SMC6: variants seen among roughly 807,000 people sequenced by gnomAD.
SMC6 encodes structural maintenance of chromosomes protein 6.
SMC6 carries 79 observed loss-of-function variants against 142.2 expected under a neutral mutation model. That is an observed-to-expected ratio of 0.56 (90% CI 0.46 to 0.67). The LOEUF is 0.67. SMC6 is among the 30% of genes least tolerant of loss of function. SMC6 has a pLI of 0.00. For missense variants in SMC6, 1,072 were observed against 1,284.0 expected (o/e 0.83, Z 2.52); for synonymous variants, 411 against 412.4 (o/e 1.00, Z 0.04).
In SMC6 at chr2:17,685,494, T is replaced by A. The variant is rs1357042568; in HGVS notation, c.2679-1731A>T. 2.6e-5 allele frequency among the ~76,000 whole-genome samples: 4 copies of A among 152,066 alleles called. No individual in the cohort carries two copies. In the East Asian group the frequency reaches 7.7e-4, roughly 29 times the overall value. On this transcript the variant is annotated intron_variant, in intron 23 of 27. Coordinates refer to ENST00000448223, the MANE Select transcript of SMC6 (RefSeq NM_001142286.2). ...ATCAACTTGTAAAACATAGAAAATA[T>A]TCATACACACCATTCTCAAGCAAAA...
chr2:17,687,017 C>T (rs1460391203), intron 23 of SMC6, among the ~76,000 whole-genome samples: 1 of 152,134 alleles, frequency 6.6e-6, no homozygotes, highest in African/African-American at 2.4e-5. Context: ...GATATCTCAT[C>T]TATATGCCAA....
chr2:17,671,383 AC>A (rs5829602), intron 25 of SMC6, among the ~76,000 whole-genome samples: 151,285 of 151,286 alleles, frequency 1, 75,642 homozygotes, highest in Non-Finnish European at 1. Flanking sequence ...CTTTAAAGGA[AC>A]CCTAGAAGTT....
At chr2:17,747,601 G>A (rs954206928) in intron 2 of SMC6, among the ~76,000 whole-genome samples, 1 of 150,814 alleles carries the variant, frequency 6.6e-6, no homozygotes, top group Non-Finnish European at 1.5e-5. Context: ...CACCTCCTGG[G>A]TTCAAGCGAT....
rs1341916594 is a variant in SMC6 at position 17,726,452 on chromosome 2, A to C, written c.561T>G (p.Ser187=). 1.2e-6 allele frequency: 2 copies of C among 1,611,612 alleles called. No homozygotes were observed. The highest frequency in any genetic ancestry group is 4.5e-5 in the East Asian group (2 of 44,724). The change falls in exon 8 of 28, where the codon TCT becomes TCG. Residue 187 remains serine (S), a synonymous_variant. Transcript: ENST00000448223. Reference sequence around the variant, plus strand: ...GCTTGCTCATTTCTTGTGTTAAAACAGAAACTGGATTATCCACCTCAAACA... The same window carrying C: ...GCTTGCTCATTTCTTGTGTTAAAACCGAAACTGGATTATCCACCTCAAACA... ...HFNIQVDNPV[S]VLTQEMSKQF...
chr2:17,727,959 C>A (rs13421199), intron 7 of SMC6, among the ~76,000 whole-genome samples: 6,194 of 152,234 alleles, frequency 0.041, 373 homozygotes, highest in African/African-American at 0.13. Context: ...AAAGCCCCCC[C>A]AGCTCTTCAT....
chr2:17,748,345 G>A (rs1654025732), intron 2 of SMC6, among the ~76,000 whole-genome samples: 1 of 152,110 alleles, frequency 6.6e-6, no homozygotes, highest in South Asian at 2.1e-4. Context: ...GAAAATAACT[G>A]GGACTTTATC....
At chr2:17,715,762 T>A (rs1174450436) in intron 15 of SMC6, among the ~76,000 whole-genome samples, 1 of 152,148 alleles carries the variant, frequency 6.6e-6, no homozygotes, top group Non-Finnish European at 1.5e-5. Context: ...AAAATTCAGT[T>A]AACTGCTCCT....
At chr2:17,675,693 C>T (rs1027986386) in intron 25 of SMC6, among the ~76,000 whole-genome samples, 1 of 152,098 alleles carries the variant, frequency 6.6e-6, no homozygotes, top group Non-Finnish European at 1.5e-5. Context: ...TTTACCTTCA[C>T]AATTTCTGTT....
intron 4 of SMC6, among the ~76,000 whole-genome samples, chr2:17,739,879 A>AACACACACACACACACACACAC (rs60784309): frequency 6.1e-5 from 7 of 115,456 alleles, no homozygotes; most frequent in East Asian, 6.9e-4. Context: ...GAATATGGTA[A>AACACACACACACACACACACAC]ACACACACAC....
chr2:17,671,375 T>C (rs1051109661), intron 25 of SMC6, among the ~76,000 whole-genome samples: 49 of 212 alleles, frequency 0.23, no homozygotes, highest in African/African-American at 0.4. Flanking sequence ...TAGGAATCCT[T>C]TAAAGGAACC....
chr2:17,726,505 C>A (rs746782253), intron 7 of SMC6, 36 bp from the exon 8 acceptor site: 1 of 1,551,298 alleles, frequency 6.4e-7, no homozygotes, highest in Non-Finnish European at 8.8e-7. Context: ...GAATATTTTA[C>A]TTTAATGCTT....
intron 5 of SMC6, among the ~76,000 whole-genome samples, chr2:17,734,398 G>T (rs911277840): frequency 6.6e-6 from 1 of 152,066 alleles, no homozygotes; most frequent in African/African-American, 2.4e-5. Flanking sequence ...TCAATTAATG[G>T]GATTTTTTAA....
chr2:17,723,023 G>GAAAA (rs1669449931), intron 9 of SMC6, among the ~76,000 whole-genome samples: 1 of 148,828 alleles, frequency 6.7e-6, no homozygotes, highest in African/African-American at 2.5e-5. Context: ...AGAAAAGAAA[G>GAAAA]GAAAAAAAAA....
At chr2:17,724,318 T>C (rs1028046151) in intron 9 of SMC6, among the ~76,000 whole-genome samples, 4 of 152,202 alleles carry the variant, frequency 2.6e-5, no homozygotes, top group Non-Finnish European at 5.9e-5. Flanking sequence ...TCCTTGATTT[T>C]TGAGTTTTCA....
chr2:17,717,886 G>A (rs143863255), intron 12 of SMC6, among the ~76,000 whole-genome samples, 191 bp downstream of exon 12: 9 of 151,324 alleles, frequency 5.9e-5, no homozygotes, highest in Admixed American at 2.0e-4. Flanking sequence ...TCAGGTGGCC[G>A]AGGTGGGAGG....
At chr2:17,669,385 C>T (rs866020658) in intron 26 of SMC6, among the ~76,000 whole-genome samples, 9 of 152,130 alleles carry the variant, frequency 5.9e-5, no homozygotes, top group African/African-American at 1.9e-4. Flanking sequence ...AGGTATCTGT[C>T]CATACGCAGG....
intron 7 of SMC6, among the ~76,000 whole-genome samples, chr2:17,727,526 T>C (rs116058231): frequency 0.017 from 1,737 of 102,912 alleles, 26 homozygotes; most frequent in African/African-American, 0.044. Flanking sequence ...TATATATATA[T>C]ACACACACAC....
rs1666454887 is a variant in SMC6, at chr2:17,665,515, T to C, written c.3260A>G (p.Asp1087Gly). ...AGTTACAAATCACCTTTGGTCATCA[T>C]CTTCTTCTTGAGTCACAGGTCTGAA... ...LPFRPVTQEE[D>G]DDQR The change falls in exon 28 of 28, where the codon GAT becomes GGT. Residue 1087 changes from aspartate to glycine, a missense_variant. Coordinates refer to ENST00000448223, the MANE Select transcript of SMC6 (RefSeq NM_001142286.2). 8 of 1,608,620 alleles carry C rather than the reference T, an allele frequency of 5.0e-6. No individual in the cohort carries two copies. In the South Asian group the frequency reaches 8.9e-5, roughly 18 times the overall value.
intron 26 of SMC6, 53 bp downstream of exon 26, chr2:17,670,370 C>G (rs935943806): frequency 6.5e-7 from 1 of 1,543,302 alleles, no homozygotes; most frequent in African/African-American, 1.4e-5. Context: ...TTTAGAAATA[C>G]ATGTTTCAAA....
Sources: gnomAD v4.1 joint callset for allele counts (sites outside exome capture counted in the v4.1 genomes callset) on GRCh38, gnomAD v4.1.1 for gene constraint, MANE v1.5 for transcripts, NCBI Gene and HGNC (gene_info 2026-07-23, HGNC 2026-07-21) for gene names.